L1CAM: variants seen among roughly 807,000 people sequenced by gnomAD.
The protein encoded by L1CAM is neural cell adhesion molecule L1.
A neutral mutation model predicts 93.0 loss-of-function variants in L1CAM; 8 were observed. The ratio of observed to expected loss-of-function variants is 0.09; its 90% CI spans 0.05 to 0.16. The LOEUF (loss-of-function observed/expected upper bound fraction) is 0.16, where lower values mean the gene tolerates loss of function less well. Ranked by LOEUF, L1CAM falls within the 10% of genes least tolerant of loss-of-function variation. L1CAM has a pLI of 1.00. For missense variants in L1CAM, 777 were observed against 1,073.4 expected (o/e 0.72, Z 3.86); for synonymous variants, 453 against 453.0 (o/e 1.00, Z 0.00).
rs373921972 is a variant in L1CAM at position 153,865,495 on chromosome X, C to G, written c.2553G>C (p.Thr851=). 32 of 1,208,701 alleles carry G rather than the reference C, an allele frequency of 2.6e-5. No individual in the cohort carries two copies. The highest frequency in any genetic ancestry group is 3.6e-5 in the Non-Finnish European group (32 of 894,140). The change falls in exon 21 of 29, where the codon ACG becomes ACC. Residue 851 remains threonine, a synonymous_variant. Coordinates refer to ENST00000370060, the MANE Select transcript of L1CAM (RefSeq NM_001278116.2). ...TCCTCTGACTGCCCTCCCTCCAGTA[C>G]GTCACCTGCACAAGCGAACAGGAGA... ...VKGHLRGYNV[T]YWREGSQRKH...
In L1CAM at chrX:153,862,319, C is replaced by A; in HGVS notation, c.*344G>T. The A allele has an allele frequency of 4.2e-6, 1 of 240,299 alleles. No homozygotes were observed. The highest frequency in any genetic ancestry group is 7.5e-6 in the Non-Finnish European group (1 of 133,337). 19.8% of individuals were successfully genotyped at this position (240,299 alleles called of 1,213,427 possible). A position where few individuals can be genotyped will look rare whatever the true frequency, so the allele number is the denominator to read the frequency against. On this transcript the variant is annotated 3_prime_UTR_variant, in exon 29 of 29. Transcript: ENST00000370060. ...TGGTCCTGAGGAGACCCCACCATGT[C>A]TGCCCCCAGTCAGGGAGCAAGAAAG...
chrX:153,870,262 G>A (rs1179301846), intron 8 of L1CAM, 22 bp from the exon 9 acceptor site: 7 of 1,203,487 alleles, frequency 5.8e-6, no homozygotes, highest in Non-Finnish European at 6.7e-6. Context: ...GCAAAGGGAA[G>A]AGAGCAGAAG....
Position 153,875,963 on chromosome X carries a change from G to A in L1CAM, c.-108-19C>T. 1.9e-6 allele frequency: 1 copy of A among 532,032 alleles called. No homozygotes were observed. 43.8% of individuals were successfully genotyped at this position (532,032 alleles called of 1,213,427 possible). Reference sequence around the variant, plus strand: ...GGGGGCACTGGGAGAGGGGAGAAGGGAAGGGAAGGGTGGGGGAAGAGAGAC... The same window carrying A: ...GGGGGCACTGGGAGAGGGGAGAAGGAAAGGGAAGGGTGGGGGAAGAGAGAC... On this transcript the variant is annotated intron_variant, in intron 1 of 28. Coordinates refer to ENST00000370060, the MANE Select transcript of L1CAM (RefSeq NM_001278116.2).
rs1557089530 is a variant in L1CAM at position 153,863,357 on chromosome X, C to T, written c.3542+11G>A. On this transcript the variant is annotated intron_variant, in intron 28 of 28. Coordinates refer to ENST00000370060, the MANE Select transcript of L1CAM (RefSeq NM_001278116.2). ...CTTGCTGTTGGCCCCTCCCCACCGC[C>T]CCTGCCTTACCTCTCCAGGGACCTG... 2 of 1,210,422 alleles carry T rather than the reference C, an allele frequency of 1.7e-6. No homozygotes were observed. The highest frequency in any genetic ancestry group is 4.3e-5 in the Admixed American group (2 of 46,032).
chrX:153,879,665 C>A (rs997645490), intron 1 of L1CAM, among the ~76,000 whole-genome samples: 2 of 111,763 alleles, frequency 1.8e-5, no homozygotes, highest in African/African-American at 6.5e-5. Context: ...CAAGGCCCTG[C>A]CCACTTGTGG....
intron 4 of L1CAM, 101 bp from the exon 5 acceptor site, chrX:153,872,455 T>C: frequency 2.1e-6 from 2 of 969,118 alleles, no homozygotes; most frequent in South Asian, 2.0e-5. Flanking sequence ...CCCCAGGGGA[T>C]GGACTGGGAG....
At chrX:153,870,528 GC>G in intron 7 of L1CAM, 29 bp from the exon 8 acceptor site, 1 of 1,113,420 alleles carries the variant, frequency 9.0e-7, no homozygotes, top group Non-Finnish European at 1.2e-6. Context: ...TGGGTGGGCT[GC>G]CCACTCTTCC....
rs1438542175 is a variant in L1CAM, at chrX:153,869,308, TCA to T, written c.1267+210_1267+211del. ...TCCTGTGGCACAGCGGTCCGCTCAG[TCA>T]CAGTGACAAGACCTTTCCCCTCTTA... On this transcript the variant is annotated intron_variant, in intron 11 of 28. Coordinates refer to ENST00000370060, the MANE Select transcript of L1CAM (RefSeq NM_001278116.2). 1.6e-5 allele frequency: 8 copies of T among 491,502 alleles called. No individual in the cohort carries two copies. The South Asian group carries it at 2.4e-4, about 15-fold the overall frequency. 40.5% of individuals were successfully genotyped at this position (491,502 alleles called of 1,213,427 possible).
chrX:153,864,164 AG>A (rs2064690109), intron 25 of L1CAM, 147 bp from the exon 26 acceptor site: 1 of 1,026,563 alleles, frequency 9.7e-7, no homozygotes, highest in Admixed American at 2.2e-5. Context: ...AGGGTATGAA[AG>A]GGGGCTGATT....
chrX:153,869,445 C>G, intron 11 of L1CAM, 75 bp downstream of exon 11: 1 of 1,142,792 alleles, frequency 8.8e-7, no homozygotes. Flanking sequence ...GCCAGCTGAG[C>G]CACTCTGGTG....
intron 1 of L1CAM, chrX:153,883,754 C>A (rs1557096232): frequency 2.9e-6 from 1 of 342,719 alleles, no homozygotes; most frequent in South Asian, 2.6e-5. Context: ...GACCTCCTCA[C>A]AGGACCCCAC....
intron 11 of L1CAM, 191 bp from the exon 12 acceptor site, chrX:153,869,143 G>A (rs782409550): frequency 2.6e-5 from 12 of 463,143 alleles, no homozygotes; most frequent in Middle Eastern, 5.8e-4. Context: ...CCTCAGATGC[G>A]CCTCTGGTCA....
chrX:153,881,849 C>T (rs1034719889), intron 1 of L1CAM, among the ~76,000 whole-genome samples: 1 of 111,109 alleles, frequency 9.0e-6, no homozygotes, highest in African/African-American at 3.3e-5. Context: ...CCCTAGAAGG[C>T]GAGAGAAATG....
chrX:153,880,814 G>T (rs781856542), intron 1 of L1CAM: 18 of 271,449 alleles, frequency 6.6e-5, no homozygotes, highest in African/African-American at 5.2e-4. Context: ...TGGGGGCCCA[G>T]AAGTCCTTTA....
chrX:153,869,698 C>A (rs782408388), intron 10 of L1CAM, 35 bp from the exon 11 acceptor site: 3 of 1,202,177 alleles, frequency 2.5e-6, no homozygotes, highest in East Asian at 3.0e-5. Flanking sequence ...TGGGCCACAG[C>A]CCGGCATTGA....
At chrX:153,866,548 T>A (rs2064715015) in intron 19 of L1CAM, 101 bp downstream of exon 19, 5 of 577,334 alleles carry the variant, frequency 8.7e-6, no homozygotes, top group Middle Eastern at 8.0e-4. Context: ...AATATCCTCA[T>A]CCTTAGGAAA....
chrX:153,885,911 C>A, intron 1 of L1CAM, 154 bp downstream of exon 1: 1 of 851,281 alleles, frequency 1.2e-6, no homozygotes, highest in Non-Finnish European at 1.4e-6. Flanking sequence ...GAGCCCGACG[C>A]CCGGCATGGG....
rs2064810543 is a variant in L1CAM, at chrX:153,875,902, G to A, written c.-66C>T. ...GTTCAGGCTCCGGCCGGAGGGGAAGGGGGCTGGTGGGCGGCTTGGGGCGGG... is the reference window on the plus strand; with the variant it reads ...GTTCAGGCTCCGGCCGGAGGGGAAGAGGGCTGGTGGGCGGCTTGGGGCGGG... On this transcript the variant is annotated 5_prime_UTR_variant, in exon 2 of 29. Transcript: ENST00000370060. 9.6e-7 allele frequency: 1 copy of A among 1,046,897 alleles called. No homozygotes were observed. The highest frequency in any genetic ancestry group is 1.9e-5 in the South Asian group (1 of 52,177). 86.3% of individuals were successfully genotyped at this position (1,046,897 alleles called of 1,213,427 possible). A position where few individuals can be genotyped will look rare whatever the true frequency, so the allele number is the denominator to read the frequency against.
Position 153,875,706 on chromosome X carries a change from G to A in L1CAM, c.76+55C>T, listed in dbSNP as rs186040141. 2.3e-3 allele frequency: 2,430 copies of A among 1,043,396 alleles called. 5 individuals carry two copies. Among genetic ancestry groups the A allele is most frequent in the Non-Finnish European group, 2.9e-3 (2,163 of 743,533 alleles). The allele number at this position is 1,043,396 out of a possible 1,213,427, so 86.0% of individuals were successfully genotyped here. A position where few individuals can be genotyped will look rare whatever the true frequency, so the allele number is the denominator to read the frequency against. On this transcript the variant is annotated intron_variant, in intron 2 of 28. Coordinates refer to ENST00000370060, the MANE Select transcript of L1CAM (RefSeq NM_001278116.2). Reference sequence around the variant, plus strand: ...AGAAGGTGAGGAGGTAGAAGATAAAGAGGGGCCCAACATAGCGGCGAAGGT... The same window carrying A: ...AGAAGGTGAGGAGGTAGAAGATAAAAAGGGGCCCAACATAGCGGCGAAGGT...
Sources: gnomAD v4.1 joint callset for allele counts (sites outside exome capture counted in the v4.1 genomes callset) on GRCh38, gnomAD v4.1.1 for gene constraint, MANE v1.5 for transcripts, NCBI Gene and HGNC (gene_info 2026-07-23, HGNC 2026-07-21) for gene names.